The following SLC30A8 variants were observed in gnomAD, a reference collection of about 807,000 sequenced individuals.
SLC30A8 encodes proton-coupled zinc antiporter SLC30A8.
SLC30A8 carries 27 observed loss-of-function variants against 36.9 expected under a neutral mutation model. The ratio of observed to expected loss-of-function variants is 0.73; its 90% CI spans 0.54 to 1.01. SLC30A8 has a LOEUF of 1.01. SLC30A8 is among the 50% of genes least tolerant of loss of function. The pLI is 0.00. For missense variants in SLC30A8, 439 were observed against 452.0 expected, an observed-to-expected ratio of 0.97 and a Z score of 0.26; for synonymous variants, 164 against 172.4, an observed-to-expected ratio of 0.95 and a Z score of 0.38.
At chr8:117,071,501 A>G (rs192344620) in intron 2 of SLC30A8, among the ~76,000 whole-genome samples, 18 of 152,212 alleles carry the variant, frequency 1.2e-4, no homozygotes, top group Admixed American at 1.0e-3. Context: ...TTTGTGGATT[A>G]TCTCTTCACT....
chr8:117,125,858 T>C (rs1180075007), intron 2 of SLC30A8, among the ~76,000 whole-genome samples: 1 of 152,002 alleles, frequency 6.6e-6, no homozygotes, highest in African/African-American at 2.4e-5. Context: ...CTGCAAGTTT[T>C]AGTAAAAGAA....
intron 6 of SLC30A8, among the ~76,000 whole-genome samples, chr8:117,168,650 G>GA (rs36011524): frequency 2.0e-5 from 3 of 151,838 alleles, no homozygotes; most frequent in African/African-American, 7.3e-5. Flanking sequence ...GGAGACAAGT[G>GA]AAAAAAGGGT....
At chr8:117,167,078 G>T (rs1823094219) in intron 6 of SLC30A8, among the ~76,000 whole-genome samples, 1 of 151,938 alleles carries the variant, frequency 6.6e-6, no homozygotes, top group Non-Finnish European at 1.5e-5. Flanking sequence ...TGCAGCTGTT[G>T]TTGCTATTAT....
In SLC30A8 at chr8:117,049,167, G is replaced by C. The variant is rs550612297; in HGVS notation, c.-226+9909G>C. Among the ~76,000 whole-genome samples, 4 of 152,272 alleles carry C rather than the reference G, an allele frequency of 2.6e-5. No individual in the cohort carries two copies. In the South Asian group the frequency reaches 8.3e-4, roughly 32 times the overall value. ...AGATTTTGGGGGTATGCAGGACTTT[G>C]TGTCCCTCAAGTTAAAATGTAGAGA... On this transcript the variant is annotated intron_variant, in intron 2 of 10. Coordinates refer to the SLC30A8 transcript ENST00000427715.
In SLC30A8 at chr8:117,147,234, T is replaced by C; in HGVS notation, c.271+81T>C. ...TATGGGAGGGTTACCTAAGTTCTTATAAAGTAAGATTTAATATTTTCTGTA... is the reference window on the plus strand; with the variant it reads ...TATGGGAGGGTTACCTAAGTTCTTACAAAGTAAGATTTAATATTTTCTGTA... On this transcript the variant is annotated intron_variant, in intron 2 of 7. Transcript: ENST00000456015. 3.3e-6 allele frequency: 4 copies of C among 1,194,724 alleles called. No homozygotes were observed. In the South Asian group the frequency reaches 5.4e-5, roughly 16 times the overall value. 74.0% of individuals were successfully genotyped at this position (1,194,724 alleles called of 1,614,324 possible). A position where few individuals can be genotyped will look rare whatever the true frequency, so the allele number is the denominator to read the frequency against.
At chr8:117,140,574 G>A (rs1821607164) in intron 1 of SLC30A8, among the ~76,000 whole-genome samples, 1 of 152,028 alleles carries the variant, frequency 6.6e-6, no homozygotes, top group Non-Finnish European at 1.5e-5. Context: ...CAGAAGCAAA[G>A]GAGGATGGCA....
chr8:117,165,220 A>T (rs1586613621), intron 6 of SLC30A8, among the ~76,000 whole-genome samples: 1 of 152,194 alleles, frequency 6.6e-6, no homozygotes, highest in East Asian at 1.9e-4. Context: ...TGGGAATATC[A>T]CATCCACAAT....
intron 1 of SLC30A8, among the ~76,000 whole-genome samples, chr8:117,145,255 CTAAT>C (rs548140634): frequency 3.5e-4 from 54 of 152,128 alleles, no homozygotes; most frequent in African/African-American, 1.2e-3. Context: ...AATATGGAAT[CTAAT>C]TATGTAAAAA....
chr8:117,031,521 C>T (rs1242499998), intron 1 of SLC30A8, among the ~76,000 whole-genome samples: 7 of 151,338 alleles, frequency 4.6e-5, no homozygotes, highest in Admixed American at 6.6e-5. Flanking sequence ...GTGCAATTGG[C>T]GCCATCTCGG....
intron 1 of SLC30A8, among the ~76,000 whole-genome samples, chr8:116,973,364 T>C (rs1814857610): frequency 6.6e-6 from 1 of 152,164 alleles, no homozygotes; most frequent in African/African-American, 2.4e-5. Flanking sequence ...CTAGGTCACT[T>C]TCTTAAAAAT....
chr8:117,083,217 G>A (rs923853724), intron 2 of SLC30A8, among the ~76,000 whole-genome samples: 2 of 152,122 alleles, frequency 1.3e-5, no homozygotes, highest in Admixed American at 6.5e-5. Flanking sequence ...AAAAGTGCAC[G>A]CACTTTCCCC....
intron 1 of SLC30A8, among the ~76,000 whole-genome samples, chr8:116,989,755 C>T (rs1270876968): frequency 6.6e-6 from 1 of 152,182 alleles, no homozygotes; most frequent in Non-Finnish European, 1.5e-5. Context: ...AGTCTCTACT[C>T]TGAGGATGGA....
intron 2 of SLC30A8, among the ~76,000 whole-genome samples, chr8:117,076,770 ATT>A (rs34202690): frequency 2.7e-5 from 4 of 146,342 alleles, no homozygotes; most frequent in East Asian, 2.0e-4. Flanking sequence ...TCAAATAGTC[ATT>A]TTTTTTTTTT....
At chr8:117,127,361 G>T (rs1820949400) in intron 2 of SLC30A8, among the ~76,000 whole-genome samples, 1 of 151,986 alleles carries the variant, frequency 6.6e-6, no homozygotes, top group Non-Finnish European at 1.5e-5. Flanking sequence ...GCTGCTGAGT[G>T]TTTGTAAACA....
intron 6 of SLC30A8, among the ~76,000 whole-genome samples, chr8:117,167,504 T>TATATAC (rs1491223080): frequency 9.8e-5 from 14 of 142,160 alleles, no homozygotes; most frequent in South Asian, 2.2e-4. Flanking sequence ...CATACATACA[T>TATATAC]GTATATGTAT....
chr8:117,172,435 C>A, intron 7 of SLC30A8, 101 bp from the exon 8 acceptor site: 3 of 1,515,306 alleles, frequency 2.0e-6, no homozygotes, highest in Non-Finnish European at 2.7e-6. Context: ...GCCTCTGCCC[C>A]ACCCCAGCAG....
rs149640364 is a variant in SLC30A8, at chr8:116,986,117, G to A, written c.-266+34998G>A. On this transcript the variant is annotated intron_variant, in intron 1 of 10. Coordinates refer to the SLC30A8 transcript ENST00000427715. ...TCTAGAAGTCTAACAGGAACACCTA[G>A]TGGTTATTGAATGAGGGAAGATTCT... is the stretch of plus-strand genomic sequence containing the variant. Among the ~76,000 whole-genome samples the A allele has an allele frequency of 3.3e-5, 5 of 152,292 alleles. No individual in the cohort carries two copies. In the East Asian group the frequency reaches 9.6e-4, roughly 29 times the overall value.
At chr8:116,964,622 C>T (rs936943063) in intron 1 of SLC30A8, among the ~76,000 whole-genome samples, 5 of 152,166 alleles carry the variant, frequency 3.3e-5, no homozygotes, top group Non-Finnish European at 7.4e-5. Context: ...TGAATCAATC[C>T]ATGACTTGCC....
intron 1 of SLC30A8, among the ~76,000 whole-genome samples, chr8:117,014,102 A>G (rs78086284): frequency 0.018 from 2,666 of 152,246 alleles, 57 homozygotes; most frequent in Non-Finnish European, 0.023. Context: ...CACTGCGTTT[A>G]ATGGCAAAAC....
Sources: gnomAD v4.1 joint callset for allele counts (sites outside exome capture counted in the v4.1 genomes callset) on GRCh38, gnomAD v4.1.1 for gene constraint, MANE v1.5 for transcripts, NCBI Gene and HGNC (gene_info 2026-07-23, HGNC 2026-07-21) for gene names.